Variants in PDE11A observed in about 807,000 individuals in gnomAD.
The protein encoded by PDE11A is dual 3',5'-cyclic-AMP and -GMP phosphodiesterase 11A.
Under a neutral mutation model 100.5 loss-of-function variants are expected in PDE11A, and 100 were observed. The ratio of observed to expected loss-of-function variants is 1.00; its 90% CI spans 0.85 to 1.18. The LOEUF (loss-of-function observed/expected upper bound fraction) is 1.18, where lower values mean the gene tolerates loss of function less well. PDE11A is among the 50% of genes most tolerant of loss of function. The pLI, the probability that PDE11A is intolerant of heterozygous loss-of-function variation, is 0.00. For missense variants in PDE11A, 1,141 were observed against 1,152.6 expected, an observed-to-expected ratio of 0.99 and a Z score of 0.15; for synonymous variants, 381 against 420.8, an observed-to-expected ratio of 0.91 and a Z score of 1.16.
intron 7 of PDE11A, among the ~76,000 whole-genome samples, chr2:177,818,321 A>G (rs1485193491): frequency 1.4e-5 from 2 of 141,942 alleles, no homozygotes; most frequent in Admixed American, 7.0e-5. Flanking sequence ...GTATATATAT[A>G]TATATATCAT....
chr2:177,755,703 T>G (rs890039610), intron 10 of PDE11A, among the ~76,000 whole-genome samples: 1 of 152,180 alleles, frequency 6.6e-6, no homozygotes, highest in Non-Finnish European at 1.5e-5. Flanking sequence ...CCTGATATTT[T>G]CCAAACTGGA....
At chr2:177,949,331 AAC>A (rs1336506552) in intron 2 of PDE11A, among the ~76,000 whole-genome samples, 2 of 152,230 alleles carry the variant, frequency 1.3e-5, no homozygotes, top group African/African-American at 4.8e-5. Flanking sequence ...AAATTTGAGA[AAC>A]ACAGAAAAGC....
At chr2:177,680,212 G>C (rs775263763) in intron 16 of PDE11A, among the ~76,000 whole-genome samples, 27 of 152,150 alleles carry the variant, frequency 1.8e-4, no homozygotes, top group Non-Finnish European at 3.5e-4. Context: ...TAAGACAGCA[G>C]AAGGTCTGGT....
In PDE11A at chr2:177,681,510, G is replaced by A. The variant is rs542400543; in HGVS notation, c.2346-607C>T. ...GTCTCAATTTCTTAATCTCTAACACGGGGGTTTCAGTTGCTAACTCACAGA... is the reference window on the plus strand; with the variant it reads ...GTCTCAATTTCTTAATCTCTAACACAGGGGTTTCAGTTGCTAACTCACAGA... On this transcript the variant is annotated intron_variant, in intron 15 of 19. Transcript: ENST00000286063. Among the ~76,000 whole-genome samples, 252 of 152,228 alleles carry A rather than the reference G, an allele frequency of 1.7e-3. 2 individuals are homozygous for A. The highest frequency in any genetic ancestry group is 2.6e-3 in the Non-Finnish European group (175 of 68,012).
intron 9 of PDE11A, among the ~76,000 whole-genome samples, chr2:177,782,150 T>C (rs1035441437): frequency 6.6e-6 from 1 of 152,224 alleles, no homozygotes; most frequent in Admixed American, 6.5e-5. Flanking sequence ...CCTCTAAATA[T>C]TGGTACCTGT....
chr2:177,843,305 T>G (rs1389413340), intron 5 of PDE11A, among the ~76,000 whole-genome samples: 1 of 152,172 alleles, frequency 6.6e-6, no homozygotes, highest in South Asian at 2.1e-4. Context: ...CCTGTTGCCT[T>G]TCAGAAGGAG....
At chr2:177,812,472 C>A (rs1463616717) in intron 9 of PDE11A, among the ~76,000 whole-genome samples, 2 of 152,032 alleles carry the variant, frequency 1.3e-5, no homozygotes. Context: ...AATGAAGTTT[C>A]TGGTTTAGAA....
At chr2:177,644,709 T>A (rs1407962507) in intron 19 of PDE11A, among the ~76,000 whole-genome samples, 2 of 152,148 alleles carry the variant, frequency 1.3e-5, no homozygotes, top group African/African-American at 2.4e-5. Flanking sequence ...ATGATACAGT[T>A]TGGGTGTGTC....
At chr2:177,857,840 A>AG (rs1233832026) in intron 5 of PDE11A, among the ~76,000 whole-genome samples, 2 of 152,228 alleles carry the variant, frequency 1.3e-5, no homozygotes, top group African/African-American at 4.8e-5. Context: ...AAAAATGGAA[A>AG]AAGTATATAT....
At chr2:177,787,982 G>C (rs1232379944) in intron 9 of PDE11A, among the ~76,000 whole-genome samples, 1 of 151,886 alleles carries the variant, frequency 6.6e-6, no homozygotes, top group African/African-American at 2.4e-5. Flanking sequence ...AGATCAATGA[G>C]ACAGAAAGTT....
At chr2:177,637,775 G>A (rs909923476) in intron 19 of PDE11A, among the ~76,000 whole-genome samples, 1 of 150,762 alleles carries the variant, frequency 6.6e-6, no homozygotes, top group Non-Finnish European at 1.5e-5. Context: ...CAGCTCAAAT[G>A]ATGCTCTGCT....
intron 2 of PDE11A, among the ~76,000 whole-genome samples, chr2:177,946,719 C>G (rs1299704962): frequency 1.8e-3 from 119 of 66,202 alleles, no homozygotes; most frequent in Non-Finnish European, 2.5e-3. Context: ...CCAGCCGCCC[C>G]GTCCGGGAGG....
intron 1 of PDE11A, among the ~76,000 whole-genome samples, chr2:178,056,572 AT>A (rs1333519651): frequency 6.6e-6 from 1 of 152,196 alleles, no homozygotes; most frequent in African/African-American, 2.4e-5. Flanking sequence ...TAGCAAATAA[AT>A]TACAACCAAG....
At chr2:178,103,086 T>C (rs960333001) in intron 2 of PDE11A, among the ~76,000 whole-genome samples, 2 of 152,232 alleles carry the variant, frequency 1.3e-5, no homozygotes, top group Admixed American at 6.5e-5. Context: ...TTGATTGCCA[T>C]AAAAAATTAT....
intron 2 of PDE11A, among the ~76,000 whole-genome samples, chr2:178,083,489 G>C (rs2087312428): frequency 6.6e-6 from 1 of 152,146 alleles, no homozygotes; most frequent in South Asian, 2.1e-4. Flanking sequence ...TTTTTTTAAA[G>C]TACTGCTCAG....
intron 5 of PDE11A, among the ~76,000 whole-genome samples, chr2:177,844,163 G>A (rs2083540110): frequency 6.6e-6 from 1 of 152,018 alleles, no homozygotes; most frequent in African/African-American, 2.4e-5. Context: ...CCATAAGTTG[G>A]GTGACTTATA....
At chr2:177,673,034 C>T (rs917949558) in intron 17 of PDE11A, among the ~76,000 whole-genome samples, 1 of 152,084 alleles carries the variant, frequency 6.6e-6, no homozygotes, top group African/African-American at 2.4e-5. Flanking sequence ...GGAATTAAGT[C>T]AGAAGAGAGA....
intron 19 of PDE11A, among the ~76,000 whole-genome samples, chr2:177,649,567 C>T (rs1207105544): frequency 6.6e-6 from 1 of 152,168 alleles, no homozygotes; most frequent in Non-Finnish European, 1.5e-5. Flanking sequence ...TACATATGCA[C>T]TTACACATAG....
At chr2:177,758,816 A>C (rs550369621) in intron 10 of PDE11A, among the ~76,000 whole-genome samples, 1 of 152,324 alleles carries the variant, frequency 6.6e-6, no homozygotes, top group East Asian at 1.9e-4. Context: ...CTTAAGGCTA[A>C]ACCAAAGGGG....
Sources: gnomAD v4.1 joint callset for allele counts (sites outside exome capture counted in the v4.1 genomes callset) on GRCh38, gnomAD v4.1.1 for gene constraint, MANE v1.5 for transcripts, NCBI Gene and HGNC (gene_info 2026-07-23, HGNC 2026-07-21) for gene names.